RPL21: variants seen among roughly 807,000 people sequenced by gnomAD.
RPL21 encodes the protein large ribosomal subunit protein eL21.
A neutral mutation model predicts 21.2 loss-of-function variants in RPL21; 1 was observed. The observed-to-expected ratio is 0.05, with a 90% CI of 0.02 to 0.22. The LOEUF (loss-of-function observed/expected upper bound fraction) is 0.22, where lower values mean the gene tolerates loss of function less well. RPL21 is among the 10% of genes least tolerant of loss of function. RPL21 has a pLI of 1.00. For synonymous variants in RPL21, 52 were observed against 62.9 expected (o/e 0.83, Z 0.82); for missense variants, 113 against 199.4 (o/e 0.57, Z 2.61).
chr13:27,256,112 C>A, intron 4 of RPL21, 72 bp from the exon 5 acceptor site: 1 of 1,184,408 alleles, frequency 8.4e-7, no homozygotes, highest in Non-Finnish European at 1.2e-6. Context: ...ATAAATGAAA[C>A]TGCAAAATCA....
At chr13:27,254,820 C>G (rs1383898808) in intron 3 of RPL21, 18 of 353,940 alleles carry the variant, frequency 5.1e-5, no homozygotes, top group South Asian at 3.8e-4. Flanking sequence ...CGTGCCCGGC[C>G]TAGAATGGAT....
chr13:27,256,084 A>AGGTTTAT (rs1446172452), intron 4 of RPL21, 100 bp from the exon 5 acceptor site: 1 of 875,152 alleles, frequency 1.1e-6, no homozygotes, highest in Non-Finnish European at 1.9e-6. Flanking sequence ...TCTGGGTAAA[A>AGGTTTAT]GGTTTATGGT....
chr13:27,253,626 C>T, intron 1 of RPL21, 139 bp from the exon 2 acceptor site: 1 of 660,428 alleles, frequency 1.5e-6, no homozygotes, highest in Non-Finnish European at 2.8e-6. Flanking sequence ...AACCTTTCAA[C>T]AGAACTAACT....
At chr13:27,255,079 GTT>G (rs371226307) in intron 3 of RPL21, 161 bp from the exon 4 acceptor site, 18 of 764,374 alleles carry the variant, frequency 2.4e-5, no homozygotes, top group Admixed American at 1.0e-4. Context: ...AATGATGACT[GTT>G]TTTTTTGATT....
intron 3 of RPL21, 185 bp downstream of exon 3, chr13:27,254,466 C>G: frequency 7.5e-6 from 4 of 534,442 alleles, no homozygotes; most frequent in Non-Finnish European, 1.3e-5. Context: ...CATGATCTCA[C>G]CTCAACCTCC....
chr13:27,253,636 T>A (rs543897927), intron 1 of RPL21, 129 bp from the exon 2 acceptor site: 1 of 687,990 alleles, frequency 1.5e-6, no homozygotes, highest in East Asian at 2.8e-5. Context: ...CAGAACTAAC[T>A]GCTTGGTGAT....
rs73161790 is a variant in RPL21 at position 27,253,824 on chromosome 13, T to C, written c.48T>C (p.Ser16=). 7 of 1,599,104 alleles carry C rather than the reference T, an allele frequency of 4.4e-6. No homozygotes were observed. The African/African-American group carries it at 6.7e-5, about 15-fold the overall frequency. ...GKRRGTRYMF[S]RPFRKHGVVP... ...GGAGAGGCACCCGATATATGTTCTC[T>C]AGGCCTTTTAGAAAACATGGTAAGT... Residue 16 remains serine, a synonymous_variant, in exon 2 of 6, where the codon TCT becomes TCC. Coordinates refer to ENST00000311549, the MANE Select transcript of RPL21 (RefSeq NM_000982.4).
intron 1 of RPL21, among the ~76,000 whole-genome samples, chr13:27,253,411 C>A (rs1881741488): frequency 6.6e-6 from 1 of 152,206 alleles, no homozygotes; most frequent in African/African-American, 2.4e-5. Context: ...AAATTATCTT[C>A]TAGTTAGTAA....
intron 3 of RPL21, chr13:27,254,986 C>T: frequency 1.6e-6 from 1 of 641,258 alleles, no homozygotes; most frequent in Non-Finnish European, 2.9e-6. Context: ...ATGAAGATTA[C>T]TATTACTATG....
intron 3 of RPL21, chr13:27,254,891 A>C (rs1208763607): frequency 2.5e-6 from 1 of 397,864 alleles, no homozygotes; most frequent in Admixed American, 3.6e-5. Flanking sequence ...TGGAGTTAAC[A>C]GCTAGTGGAA....
intron 2 of RPL21, 61 bp from the exon 3 acceptor site, chr13:27,254,159 G>A (rs577684680): frequency 5.9e-6 from 6 of 1,009,496 alleles, no homozygotes; most frequent in African/African-American, 4.7e-5. Flanking sequence ...TAGTAAAATT[G>A]CATTTCTTTT....
chr13:27,253,704 A>T, intron 1 of RPL21, 61 bp from the exon 2 acceptor site: 1 of 879,620 alleles, frequency 1.1e-6, no homozygotes, highest in Non-Finnish European at 1.9e-6. Flanking sequence ...TTGAAATTAC[A>T]GGGGTTTGGG....
rs757480951 is a variant in RPL21, at chr13:27,256,263, C to T, written c.322C>T (p.Arg108Cys). 16 of 1,585,388 alleles carry T rather than the reference C, an allele frequency of 1.0e-5. No homozygotes were observed. The highest frequency in any genetic ancestry group is 1.3e-5 in the Non-Finnish European group (15 of 1,157,950). The change falls in exon 5 of 6, where the codon CGT becomes TGT. Residue 108 changes from arginine to cysteine, a missense_variant. By Grantham distance (180) the Arg-to-Cys change is radical. Transcript: ENST00000311549. ...HSKSRDSFLK[R>C]VKENDQKKKE... is the part of the protein sequence containing the mutation. ...TAAGAGCCGAGATAGCTTCCTGAAA[C>T]GTGTGAAGGAAAATGATCAGAAAAA...
chr13:27,253,791 G>A lies in RPL21; in HGVS notation c.15G>A (p.Lys5=). MTNT[K]GKRRGTRYMF... is the part of the protein sequence containing the mutation. ...AATTCGCCAAAATGACGAACACAAAGGGAAAGAGGAGAGGCACCCGATATA... is the reference window on the plus strand; with the variant it reads ...AATTCGCCAAAATGACGAACACAAAAGGAAAGAGGAGAGGCACCCGATATA... The change falls in exon 2 of 6, where the codon AAG becomes AAA. Residue 5 remains lysine, a synonymous_variant. Coordinates refer to ENST00000311549, the MANE Select transcript of RPL21 (RefSeq NM_000982.4). The A allele has an allele frequency of 6.2e-7, 1 of 1,606,392 alleles. No individual in the cohort carries two copies. Among genetic ancestry groups the A allele is most frequent in the Non-Finnish European group, 8.5e-7 (1 of 1,173,166 alleles).
chr13:27,256,372 A>G, intron 5 of RPL21, 38 bp downstream of exon 5: 1 of 1,598,256 alleles, frequency 6.3e-7, no homozygotes, highest in Non-Finnish European at 8.6e-7. Flanking sequence ...TTCTGAGAGC[A>G]CTTTAAGGTT....
intron 4 of RPL21, chr13:27,255,608 G>C (rs1881865543): frequency 3.5e-6 from 2 of 575,890 alleles, no homozygotes; most frequent in South Asian, 3.0e-5. Context: ...GTCTTGCTCT[G>C]TCGCCCTGGC....
At chr13:27,252,290 G>A (rs779526260) in intron 1 of RPL21, among the ~76,000 whole-genome samples, 1 of 152,160 alleles carries the variant, frequency 6.6e-6, no homozygotes, top group Non-Finnish European at 1.5e-5. Context: ...ATACTGTTTT[G>A]CGAATTCTAG....
chr13:27,255,455 G>T, intron 4 of RPL21, 101 bp downstream of exon 4: 1 of 774,616 alleles, frequency 1.3e-6, no homozygotes, highest in South Asian at 1.3e-5. Flanking sequence ...CATTCAAGTG[G>T]GGCAAAGGAA....
chr13:27,253,750 G>C lies in RPL21; in HGVS notation c.-12-15G>C. On this transcript the variant is annotated splice_polypyrimidine_tract_variant and intron_variant, in intron 1 of 5. Coordinates refer to ENST00000311549, the MANE Select transcript of RPL21 (RefSeq NM_000982.4). ...GTTTTCAGTCGTATTTGACTGTTCT[G>C]CTTTCTGGTTTCAGTAATTCGCCAA... The C allele has an allele frequency of 2.0e-6, 3 of 1,483,912 alleles. No individual in the cohort carries two copies. The highest frequency in any genetic ancestry group is 1.9e-4 in the Middle Eastern group (1 of 5,388). 91.9% of individuals were successfully genotyped at this position (1,483,912 alleles called of 1,614,324 possible).
Sources: gnomAD v4.1 joint callset for allele counts (sites outside exome capture counted in the v4.1 genomes callset) on GRCh38, gnomAD v4.1.1 for gene constraint, MANE v1.5 for transcripts, NCBI Gene and HGNC (gene_info 2026-07-23, HGNC 2026-07-21) for gene names.